Variants in TAFA1 observed in about 807,000 individuals in gnomAD.
The protein encoded by TAFA1 is TAFA chemokine like family member 1, also known as chemokine-like protein TAFA-1.
A neutral mutation model predicts 18.5 loss-of-function variants in TAFA1; 4 were observed. That is an observed-to-expected ratio of 0.22 (90% CI 0.11 to 0.49). The LOEUF (loss-of-function observed/expected upper bound fraction) is 0.49, where lower values mean the gene tolerates loss of function less well. TAFA1 is among the 20% of genes least tolerant of loss of function. The probability of loss-of-function intolerance (pLI) is 0.98; values close to 1 mark genes in which losing one functional copy is unlikely to be tolerated. For missense variants in TAFA1, 147 were observed against 169.0 expected (o/e 0.87, Z 0.72); for synonymous variants, 56 against 55.2 (o/e 1.01, Z -0.06).
At chr3:68,234,578 A>G (rs1049780122) in intron 2 of TAFA1, among the ~76,000 whole-genome samples, 2 of 152,134 alleles carry the variant, frequency 1.3e-5, no homozygotes, top group African/African-American at 4.8e-5. Context: ...TCTATTTCCA[A>G]AAAGATTGGT....
chr3:68,030,936 T>A (rs1704921919), intron 2 of TAFA1, among the ~76,000 whole-genome samples: 1 of 152,170 alleles, frequency 6.6e-6, no homozygotes, highest in Non-Finnish European at 1.5e-5. Flanking sequence ...AGACCACAAG[T>A]CAGCTTACTT....
intron 3 of TAFA1, among the ~76,000 whole-genome samples, chr3:68,471,218 A>T (rs977450766): frequency 6.6e-6 from 1 of 152,204 alleles, no homozygotes; most frequent in Admixed American, 6.5e-5. Flanking sequence ...GTCCAGGCAG[A>T]AGTTTGCTGC....
rs145442672 is a variant in TAFA1, at chr3:68,361,235, C to T, written c.119-56045C>T. Among the ~76,000 whole-genome samples, 243 of 151,796 alleles carry T rather than the reference C, an allele frequency of 1.6e-3. 1 individual carries two copies. The highest frequency in any genetic ancestry group is 4.8e-3 in the African/African-American group (198 of 41,424). On this transcript the variant is annotated intron_variant, in intron 2 of 4. Transcript: ENST00000478136. ...GAAGTTTTTATGTTAAGTGAAAAAC[C>T]GAACACAGAAAGATAGATGCCATAT...
chr3:68,393,713 G>T (rs1017761390), intron 2 of TAFA1, among the ~76,000 whole-genome samples: 1 of 151,988 alleles, frequency 6.6e-6, no homozygotes, highest in Non-Finnish European at 1.5e-5. Flanking sequence ...TTCAACATAT[G>T]CAAATCAATA....
At chr3:68,258,221 G>C (rs902768933) in intron 2 of TAFA1, among the ~76,000 whole-genome samples, 1 of 152,152 alleles carries the variant, frequency 6.6e-6, no homozygotes, top group African/African-American at 2.4e-5. Context: ...TGGGTAAAAG[G>C]TATGGAAGGG....
intron 2 of TAFA1, among the ~76,000 whole-genome samples, chr3:68,393,379 A>G (rs2070303379): frequency 1.7e-5 from 2 of 119,400 alleles, no homozygotes; most frequent in East Asian, 2.6e-4. Flanking sequence ...CTACCAATGG[A>G]AAAAAAAAAA....
At chr3:68,501,905 G>A (rs1912853) in intron 3 of TAFA1, among the ~76,000 whole-genome samples, 30,824 of 152,036 alleles carry the variant, frequency 0.2, 3,216 homozygotes, top group Middle Eastern at 0.24. Context: ...GACATGCATA[G>A]GAAAAGCAGG....
intron 2 of TAFA1, among the ~76,000 whole-genome samples, chr3:68,380,961 G>C (rs1171458626): frequency 6.7e-6 from 1 of 149,690 alleles, no homozygotes; most frequent in Non-Finnish European, 1.5e-5. Flanking sequence ...GTGTAAGGAA[G>C]GGATCCAGTT....
intron 2 of TAFA1, among the ~76,000 whole-genome samples, chr3:68,133,687 G>C (rs549936356): frequency 6.4e-4 from 97 of 152,102 alleles, no homozygotes; most frequent in Non-Finnish European, 8.5e-4. Flanking sequence ...TTGGTGTATA[G>C]GAATGCTTTT....
intron 2 of TAFA1, among the ~76,000 whole-genome samples, chr3:68,019,086 A>G (rs1314193536): frequency 2.0e-5 from 3 of 152,258 alleles, no homozygotes; most frequent in African/African-American, 7.2e-5. Flanking sequence ...TTTTAGGAAT[A>G]TCAGCAATCT....
chr3:68,327,231 G>A (rs983327832), intron 2 of TAFA1, among the ~76,000 whole-genome samples: 2 of 151,988 alleles, frequency 1.3e-5, no homozygotes, highest in Non-Finnish European at 2.9e-5. Context: ...TTTATAAATT[G>A]TCAGTCTCAG....
intron 2 of TAFA1, among the ~76,000 whole-genome samples, chr3:68,286,317 C>G (rs1281002050): frequency 6.6e-6 from 1 of 151,916 alleles, no homozygotes; most frequent in African/African-American, 2.4e-5. Flanking sequence ...GTTAATGAGT[C>G]TACGTTAGTC....
upstream of TAFA1, among the ~76,000 whole-genome samples, chr3:68,003,490 A>G (rs1175175631): frequency 6.6e-6 from 1 of 152,176 alleles, no homozygotes; most frequent in Admixed American, 6.5e-5. Flanking sequence ...TAGGTGCTTT[A>G]TAAGTGATTT....
chr3:68,353,626 G>A (rs916621014), intron 2 of TAFA1, among the ~76,000 whole-genome samples: 7 of 151,908 alleles, frequency 4.6e-5, no homozygotes, highest in African/African-American at 1.7e-4. Flanking sequence ...AACAATAGAA[G>A]GAAAACTCTA....
chr3:68,027,399 A>G (rs978155990), intron 2 of TAFA1, among the ~76,000 whole-genome samples: 3 of 152,150 alleles, frequency 2.0e-5, no homozygotes, highest in African/African-American at 4.8e-5. Context: ...AGAGCCATTT[A>G]GTTGTAAAGG....
At chr3:68,178,409 G>C (rs796763675) in intron 2 of TAFA1, among the ~76,000 whole-genome samples, 1 of 152,074 alleles carries the variant, frequency 6.6e-6, no homozygotes, top group African/African-American at 2.4e-5. Flanking sequence ...GACCAAAAAC[G>C]TTATCAAAGA....
chr3:68,443,229 C>T (rs2071416346), intron 3 of TAFA1, among the ~76,000 whole-genome samples: 1 of 152,032 alleles, frequency 6.6e-6, no homozygotes, highest in Non-Finnish European at 1.5e-5. Context: ...CTGGTAACAT[C>T]CTTCCTCTAA....
intron 2 of TAFA1, among the ~76,000 whole-genome samples, chr3:68,366,961 G>T (rs540534515): frequency 6.6e-6 from 1 of 152,276 alleles, no homozygotes; most frequent in South Asian, 2.1e-4. Flanking sequence ...CATTGACCCT[G>T]ACTCAAGGTC....
At chr3:68,283,111 T>A (rs1429382300) in intron 2 of TAFA1, among the ~76,000 whole-genome samples, 8 of 152,146 alleles carry the variant, frequency 5.3e-5, no homozygotes, top group Admixed American at 5.2e-4. Flanking sequence ...CTCAGAACAA[T>A]AAAGAGATGT....
Sources: allele counts gnomAD v4.1 joint callset (sites outside exome capture counted in the v4.1 genomes callset), GRCh38; gene constraint gnomAD v4.1.1; transcripts MANE v1.5; gene names NCBI Gene and HGNC (gene_info 2026-07-23, HGNC 2026-07-21).